The following TYK2 variants were observed in gnomAD, a reference collection of about 807,000 sequenced individuals.
TYK2 encodes non-receptor tyrosine-protein kinase TYK2.
In TYK2, 65 loss-of-function variants were observed where a neutral mutation model predicts 130.9. That is an observed-to-expected ratio of 0.50 (90% CI 0.41 to 0.61). The LOEUF is 0.61. Ranked by LOEUF, TYK2 falls within the 20% of genes least tolerant of loss-of-function variation. TYK2 has a pLI of 0.00. For synonymous variants in TYK2, 647 were observed against 658.9 expected (o/e 0.98, Z 0.28); for missense variants, 1,378 against 1,610.7 (o/e 0.86, Z 2.47).
rs749765579 is a variant in TYK2, at chr19:10,364,942, A to G, written c.1118T>C (p.Leu373Pro). The G allele has an allele frequency of 2.5e-6, 4 of 1,614,206 alleles. No individual in the cohort carries two copies. The highest frequency in any genetic ancestry group is 1.7e-5 in the Admixed American group (1 of 60,028). ...CCGGAAGTCACAGAAGTAGGCCCAC[A>G]GTGGCTCCCGCGGCCTGTCTGCCGG... ...GQPADRPREPLWAYFCDFRDI... is the reference protein window; with the variant it reads ...GQPADRPREPPWAYFCDFRDI... Residue 373 changes from leucine to proline, a missense_variant, in exon 8 of 25, where the codon CTG (leucine) becomes CCG (proline). By Grantham distance (98) the Leu-to-Pro change is moderately conservative. Transcript: ENST00000525621. This position sits in a 1 kb window ranked among gnomAD's most constrained non-coding sequence, Gnocchi z 4.9.
At position 10,368,188 on chromosome 19, in the gene TYK2, T is replaced by C; in HGVS notation, c.332A>G (p.Asn111Ser). 6.2e-7 allele frequency: 1 copy of C among 1,613,952 alleles called. No homozygotes were observed. Among genetic ancestry groups the C allele is most frequent in the South Asian group, 1.1e-5 (1 of 91,080 alleles). The change falls in exon 5 of 25, where the codon AAC (asparagine) becomes AGC (serine). Residue 111 changes from asparagine to serine, a missense_variant. Coordinates refer to ENST00000525621, the MANE Select transcript of TYK2 (RefSeq NM_003331.5). ...LYFRIRFYFR[N>S]WHGMNPREPA... is the part of the protein sequence containing the mutation. The stretch of plus-strand genomic sequence containing the variant: ...TTCCCGAGGATTCATGCCATGCCAG[T>C]TCCGGAAATAAAACCTGCAGGAAGG...
rs2145191345 is a variant in TYK2 at position 10,358,563 on chromosome 19, C to T, written c.2176-425G>A. The stretch of plus-strand genomic sequence containing the variant: ...CAAATTCCTGAGCTCAGGTGATCCT[C>T]CCACCTCAACTTCCTGAGTACCTCG... On this transcript the variant is annotated intron_variant, in intron 15 of 24. Transcript: ENST00000525621. 2.6e-5 allele frequency among the ~76,000 whole-genome samples: 4 copies of T among 152,086 alleles called. No individual in the cohort carries two copies. In the Middle Eastern group the frequency reaches 0.014, roughly 517 times the overall value.
chr19:10,365,622 G>T lies in TYK2; in HGVS notation c.906C>A (p.Asp302Glu). 2 of 1,613,984 alleles carry T rather than the reference G, an allele frequency of 1.2e-6. No individual in the cohort carries two copies. Among genetic ancestry groups the T allele is most frequent in the Non-Finnish European group, 1.7e-6 (2 of 1,179,956 alleles). Residue 302 changes from aspartate to glutamate, a missense_variant, in exon 7 of 25, where the codon GAC (aspartate) becomes GAA (glutamate). Asp to Glu is a conservative substitution (Grantham distance 45). Coordinates refer to ENST00000525621, the MANE Select transcript of TYK2 (RefSeq NM_003331.5). ...GCCCAGCAGCAGACTCAGGGCCAGG[G>T]TCTGTAGGGGCCACCCCACTGTCCC... Reference protein sequence around the residue: ...YIRDSGVAPTDPGPESAAGPP... With the variant: ...YIRDSGVAPTEPGPESAAGPP...
chr19:10,377,180 C>T (rs1467753455), intron 3 of TYK2, among the ~76,000 whole-genome samples: 2 of 152,172 alleles, frequency 1.3e-5, no homozygotes, highest in Non-Finnish European at 2.9e-5. Context: ...ACTGGGATTA[C>T]AAGTGTCAGC....
chr19:10,353,338 G>A lies in TYK2; in HGVS notation c.3027+190C>T, dbSNP rs1026079602. ...CGAGTTGGGAGGGGCCGAGCCGGCT[G>A]TGCGTGGTCCCTTGGGAGGAGGGGG... is the stretch of plus-strand genomic sequence containing the variant. On this transcript the variant is annotated intron_variant, in intron 21 of 24. Transcript: ENST00000525621. The surrounding 1 kb of genome is among the most constrained non-coding windows in gnomAD (Gnocchi z 6.9). 5.2e-6 allele frequency: 3 copies of A among 579,754 alleles called. No individual in the cohort carries two copies. The highest frequency in any genetic ancestry group is 3.3e-5 in the Admixed American group (1 of 30,408). The allele number at this position is 579,754 out of a possible 1,614,324, so 35.9% of individuals were successfully genotyped here. A position where few individuals can be genotyped will look rare whatever the true frequency, so the allele number is the denominator to read the frequency against.
intron 14 of TYK2, among the ~76,000 whole-genome samples, chr19:10,359,897 T>A (rs12720287): frequency 0.028 from 4,331 of 152,012 alleles, 194 homozygotes; most frequent in African/African-American, 0.098. Context: ...TGGGCGCCGG[T>A]AGTCCCAGCT....
In TYK2 at chr19:10,364,594, G is replaced by GC. The variant is rs748961413; in HGVS notation, c.1367+19dup. ...GGCACCCTTGGCGGTGGCCCCCAGC[G>GC]CCCCCCACCCAGCACTCACAGCAGG... On this transcript the variant is annotated intron_variant, in intron 9 of 24. Coordinates refer to ENST00000525621, the MANE Select transcript of TYK2 (RefSeq NM_003331.5). This position sits in a 1 kb window ranked among gnomAD's most constrained non-coding sequence, Gnocchi z 4.9. The GC allele has an allele frequency of 5.0e-6, 8 of 1,613,168 alleles. No homozygotes were observed. Among genetic ancestry groups the GC allele is most frequent in the East Asian group, 2.2e-5 (1 of 44,868 alleles).
chr19:10,370,705 C>G (rs2041876800), intron 3 of TYK2, among the ~76,000 whole-genome samples: 1 of 151,110 alleles, frequency 6.6e-6, no homozygotes, highest in Non-Finnish European at 1.5e-5. Flanking sequence ...GTAATCGCAG[C>G]TACTCAGCAG....
intron 5 of TYK2, 116 bp from the exon 6 acceptor site, chr19:10,366,696 A>G (rs2041680605): frequency 1.9e-6 from 2 of 1,039,874 alleles, no homozygotes; most frequent in Admixed American, 1.8e-5. Flanking sequence ...CTTGGGCCCT[A>G]CATAAAATAC....
At chr19:10,351,926 G>A (rs1425603274) in intron 23 of TYK2, among the ~76,000 whole-genome samples, 1 of 151,424 alleles carries the variant, frequency 6.6e-6, no homozygotes, top group Non-Finnish European at 1.5e-5. Context: ...TTTTAGTAGA[G>A]ACGGGGTTTC....
chr19:10,361,245 G>A lies in TYK2; in HGVS notation c.2047+266C>T, dbSNP rs2041385223. On this transcript the variant is annotated intron_variant, in intron 14 of 24. Transcript: ENST00000525621. This position sits in a 1 kb window ranked among gnomAD's most constrained non-coding sequence, Gnocchi z 4.0. ...GTTGTTTGGGAGGTTGATGGAAGTG[G>A]GGATGTAGTTGGGAATCAGGGTGGG... 1 of 599,512 alleles carries A rather than the reference G, an allele frequency of 1.7e-6. No individual in the cohort carries two copies. Among genetic ancestry groups the A allele is most frequent in the South Asian group, 1.9e-5 (1 of 53,888 alleles). 37.1% of individuals were successfully genotyped at this position (599,512 alleles called of 1,614,324 possible).
chr19:10,369,295 A>C (rs1390848807), intron 3 of TYK2, among the ~76,000 whole-genome samples: 1 of 151,450 alleles, frequency 6.6e-6, no homozygotes, highest in Non-Finnish European at 1.5e-5. Context: ...GCCCCCCCTT[A>C]GATATGGCTT....
chr19:10,374,921 G>T (rs1568344817), intron 3 of TYK2, among the ~76,000 whole-genome samples: 3 of 152,076 alleles, frequency 2.0e-5, no homozygotes. Context: ...AGGCGCGATG[G>T]CTCATGCCTC....
In TYK2 at chr19:10,364,600, C is replaced by G. The variant is rs370879608; in HGVS notation, c.1367+14G>C. The stretch of plus-strand genomic sequence containing the variant: ...CTTGGCGGTGGCCCCCAGCGCCCCC[C>G]ACCCAGCACTCACAGCAGGGGTCCG... On this transcript the variant is annotated intron_variant, in intron 9 of 24. Coordinates refer to ENST00000525621, the MANE Select transcript of TYK2 (RefSeq NM_003331.5). The surrounding 1 kb of genome is among the most constrained non-coding windows in gnomAD (Gnocchi z 4.9). The G allele has an allele frequency of 1.4e-5, 23 of 1,613,446 alleles. No homozygotes were observed. Among genetic ancestry groups the G allele is most frequent in the Non-Finnish European group, 1.9e-5 (23 of 1,179,952 alleles).
chr19:10,372,476 A>ATTTT, intron 3 of TYK2, among the ~76,000 whole-genome samples: 5 of 63,708 alleles, frequency 7.8e-5, no homozygotes, highest in Admixed American at 1.4e-4. Flanking sequence ...ATATATATAT[A>ATTTT]TATATATATT....
Position 10,364,605 on chromosome 19 carries a change from A to G in TYK2, c.1367+9T>C. 1 of 1,613,490 alleles carries G rather than the reference A, an allele frequency of 6.2e-7. No individual in the cohort carries two copies. Among genetic ancestry groups the G allele is most frequent in the Non-Finnish European group, 8.5e-7 (1 of 1,179,932 alleles). On this transcript the variant is annotated intron_variant, in intron 9 of 24. Transcript: ENST00000525621. This position sits in a 1 kb window ranked among gnomAD's most constrained non-coding sequence, Gnocchi z 4.9. ...CGGTGGCCCCCAGCGCCCCCCACCC[A>G]GCACTCACAGCAGGGGTCCGTGGAT...
rs376518279 is a variant in TYK2, at chr19:10,367,454, G to A, written c.465+601C>T. 9.3e-4 allele frequency among the ~76,000 whole-genome samples: 142 copies of A among 152,100 alleles called. 1 individual carries two copies. The highest frequency in any genetic ancestry group is 2.7e-3 in the African/African-American group (111 of 41,500). On this transcript the variant is annotated intron_variant, in intron 5 of 24. Transcript: ENST00000525621. Reference sequence around the variant, plus strand: ...AGCCTGGCCAACATGGTGAAACCCCGTCTTTACTAAAAATAGAAAAATTAG... The same window carrying A: ...AGCCTGGCCAACATGGTGAAACCCCATCTTTACTAAAAATAGAAAAATTAG...
At chr19:10,370,651 C>G (rs1395624005) in intron 3 of TYK2, among the ~76,000 whole-genome samples, 1 of 151,880 alleles carries the variant, frequency 6.6e-6, no homozygotes, top group Non-Finnish European at 1.5e-5. Context: ...AACCTCGTCT[C>G]TACTAAAAAT....
rs750627511 is a variant in TYK2, at chr19:10,354,579, T to C, written c.2648A>G (p.Asp883Gly). The change falls in exon 19 of 25, where the codon GAC becomes GGC. Residue 883 changes from aspartate to glycine, a missense_variant. Coordinates refer to ENST00000525621, the MANE Select transcript of TYK2 (RefSeq NM_003331.5). ...AACCGTAGGGTCCGACGCCGGTGAG[T>C]CCGGGTTCACAGTCAAGACGTCAGC... ...NLADVLTVNP[D>G]SPASDPTVFH... is the part of the protein sequence containing the mutation. 49 of 1,613,298 alleles carry C rather than the reference T, an allele frequency of 3.0e-5. 1 individual carries two copies. The South Asian group carries it at 5.2e-4, about 17-fold the overall frequency.
Sources: gnomAD v4.1 joint callset for allele counts (sites outside exome capture counted in the v4.1 genomes callset) on GRCh38, gnomAD v4.1.1 for gene constraint, Gnocchi (gnomAD v3.1) non-coding constraint, MANE v1.5 for transcripts, NCBI Gene and HGNC (gene_info 2026-07-23, HGNC 2026-07-21) for gene names.